CTNNA2: variants seen among roughly 807,000 people sequenced by gnomAD.
CTNNA2 encodes catenin alpha 2, also known as catenin alpha-2.
In CTNNA2, 42 loss-of-function variants were observed where a neutral mutation model predicts 101.0. The observed-to-expected ratio is 0.42, with a 90% CI of 0.32 to 0.54. CTNNA2 has a LOEUF of 0.54. Among genes scored for constraint, CTNNA2 ranks in the 20% least tolerant of loss-of-function variants. The probability of loss-of-function intolerance (pLI) is 0.14; values close to 1 mark genes in which losing one functional copy is unlikely to be tolerated. For missense variants in CTNNA2, 871 were observed against 1,223.1 expected, an observed-to-expected ratio of 0.71 and a Z score of 4.29; for synonymous variants, 450 against 456.4, an observed-to-expected ratio of 0.99 and a Z score of 0.18.
At chr2:80,606,233 G>A (rs891197469) in intron 16 of CTNNA2, among the ~76,000 whole-genome samples, 2 of 151,628 alleles carry the variant, frequency 1.3e-5, no homozygotes, top group African/African-American at 2.4e-5. Flanking sequence ...AGTATTTCTC[G>A]GCATCTTTAG....
chr2:79,484,397 T>G (rs949389941), intron 4 of CTNNA2, among the ~76,000 whole-genome samples: 7 of 152,008 alleles, frequency 4.6e-5, no homozygotes, highest in African/African-American at 1.7e-4. Context: ...CATGGTGAGG[T>G]GGGGTAAGTG....
intron 7 of CTNNA2, among the ~76,000 whole-genome samples, chr2:80,230,260 G>GTTTGT (rs1553472975): frequency 8.2e-6 from 1 of 121,630 alleles, no homozygotes; most frequent in African/African-American, 3.3e-5. Flanking sequence ...TTTTTTCTTT[G>GTTTGT]TTTTTTTTTT....
chr2:79,635,978 G>A (rs919952056), intron 1 of CTNNA2, among the ~76,000 whole-genome samples: 29 of 151,146 alleles, frequency 1.9e-4, no homozygotes, highest in African/African-American at 6.8e-4. Flanking sequence ...ATAGATGTGG[G>A]GGGCCGGGTG....
At chr2:80,340,810 G>A (rs1462677765) in intron 7 of CTNNA2, among the ~76,000 whole-genome samples, 2 of 152,214 alleles carry the variant, frequency 1.3e-5, no homozygotes, top group Non-Finnish European at 2.9e-5. Flanking sequence ...ATGAGTTAAA[G>A]GTCTCAGTTC....
chr2:80,597,892 A>G (rs1389693035), intron 15 of CTNNA2, among the ~76,000 whole-genome samples: 1 of 152,216 alleles, frequency 6.6e-6, no homozygotes, highest in Non-Finnish European at 1.5e-5. Context: ...TAGTTGAACC[A>G]TTGTGGAAGA....
At chr2:79,692,908 G>T (rs931365367) in intron 2 of CTNNA2, among the ~76,000 whole-genome samples, 1 of 151,594 alleles carries the variant, frequency 6.6e-6, no homozygotes, top group African/African-American at 2.4e-5. Flanking sequence ...AGCATTAGCA[G>T]AAATACCTAA....
At chr2:80,550,655 T>C (rs923441605) in intron 11 of CTNNA2, among the ~76,000 whole-genome samples, 3 of 152,198 alleles carry the variant, frequency 2.0e-5, no homozygotes, top group African/African-American at 4.8e-5. Flanking sequence ...GCTTTGCTCA[T>C]ACATAAGCAA....
At chr2:79,878,145 A>G (rs749876870) in intron 6 of CTNNA2, among the ~76,000 whole-genome samples, 6 of 152,212 alleles carry the variant, frequency 3.9e-5, no homozygotes, top group Non-Finnish European at 8.8e-5. Flanking sequence ...AGGACATGAT[A>G]TTATTCCTTC....
intron 7 of CTNNA2, among the ~76,000 whole-genome samples, chr2:80,173,988 A>T (rs1234450211): frequency 2.0e-5 from 3 of 152,168 alleles, no homozygotes; most frequent in African/African-American, 7.2e-5. Flanking sequence ...GCAACAAAGA[A>T]ATGCTAAAGG....
chr2:79,857,227 C>A (rs1332093799), intron 3 of CTNNA2, among the ~76,000 whole-genome samples: 1 of 152,198 alleles, frequency 6.6e-6, no homozygotes, highest in Non-Finnish European at 1.5e-5. Context: ...AGCTTCCCCC[C>A]AGTCTCACAA....
chr2:79,943,218 GC>G (rs1256365365), intron 7 of CTNNA2, among the ~76,000 whole-genome samples: 1 of 152,062 alleles, frequency 6.6e-6, no homozygotes, highest in East Asian at 1.9e-4. Context: ...CGGGGGTGGG[GC>G]AGGGGGAAGT....
chr2:79,459,019 T>C (rs1204519482), intron 4 of CTNNA2, among the ~76,000 whole-genome samples: 3 of 152,136 alleles, frequency 2.0e-5, no homozygotes, highest in African/African-American at 4.8e-5. Context: ...TGGGCTTTTA[T>C]GCACACTTAA....
intron 7 of CTNNA2, among the ~76,000 whole-genome samples, chr2:80,189,623 A>C (rs1292655155): frequency 6.6e-6 from 1 of 151,564 alleles, no homozygotes; most frequent in Non-Finnish European, 1.5e-5. Flanking sequence ...GAAGGAAAAT[A>C]AATTAGCAAA....
At chr2:80,579,802 C>T (rs1695371184) in intron 13 of CTNNA2, among the ~76,000 whole-genome samples, 1 of 152,204 alleles carries the variant, frequency 6.6e-6, no homozygotes, top group Non-Finnish European at 1.5e-5. Context: ...AATCTCAAGC[C>T]TTCATCAATA....
intron 2 of CTNNA2, among the ~76,000 whole-genome samples, chr2:79,290,308 C>A (rs998281117): frequency 6.6e-6 from 1 of 152,052 alleles, no homozygotes; most frequent in African/African-American, 2.4e-5. Flanking sequence ...CACAGAAGCC[C>A]CTGGAGCAAC....
intron 1 of CTNNA2, among the ~76,000 whole-genome samples, chr2:79,623,910 C>T (rs1176992311): frequency 2.0e-5 from 3 of 152,150 alleles, no homozygotes; most frequent in Admixed American, 2.0e-4. Flanking sequence ...CTGTCTCAGA[C>T]TCATACTGAG....
chr2:79,750,790 T>G (rs1053931075), intron 3 of CTNNA2, among the ~76,000 whole-genome samples: 1 of 151,540 alleles, frequency 6.6e-6, no homozygotes, highest in African/African-American at 2.4e-5. Flanking sequence ...GAGAATCACT[T>G]GAACCCAGGA....
chr2:80,193,277 G>C (rs1412137985), intron 7 of CTNNA2, among the ~76,000 whole-genome samples: 1 of 152,120 alleles, frequency 6.6e-6, no homozygotes, highest in African/African-American at 2.4e-5. Flanking sequence ...TGTACATCAA[G>C]TGTTTGGTGT....
At chr2:80,334,924 G>T (rs1043188815) in intron 7 of CTNNA2, among the ~76,000 whole-genome samples, 2 of 152,174 alleles carry the variant, frequency 1.3e-5, no homozygotes, top group Admixed American at 1.3e-4. Context: ...GACCAGATTT[G>T]TCTTGTTTCC....
Sources: gnomAD v4.1 joint callset for allele counts (sites outside exome capture counted in the v4.1 genomes callset) on GRCh38, gnomAD v4.1.1 for gene constraint, MANE v1.5 for transcripts, NCBI Gene and HGNC (gene_info 2026-07-23, HGNC 2026-07-21) for gene names.